PCDHGB4: variants seen among roughly 807,000 people sequenced by gnomAD.
PCDHGB4 encodes the protein protocadherin gamma subfamily B, 4.
A neutral mutation model predicts 60.5 loss-of-function variants in PCDHGB4; 38 were observed. That is an observed-to-expected ratio of 0.63 (90% CI 0.48 to 0.82). The LOEUF is 0.82. Among genes scored for constraint, PCDHGB4 ranks in the 40% least tolerant of loss-of-function variants. PCDHGB4 has a pLI of 0.00. For synonymous variants in PCDHGB4, 456 were observed against 509.7 expected, an observed-to-expected ratio of 0.89 and a Z score of 1.42; for missense variants, 1,109 against 1,209.6, an observed-to-expected ratio of 0.92 and a Z score of 1.23.
At chr5:141,439,571 G>T (rs1010967112) in intron 1 of PCDHGB4, among the ~76,000 whole-genome samples, 4 of 152,154 alleles carry the variant, frequency 2.6e-5, no homozygotes, top group Non-Finnish European at 4.4e-5. Flanking sequence ...CTAGAGTAGG[G>T]ACTCAGAGTG....
At chr5:141,430,743 T>C in intron 1 of PCDHGB4, 1 of 1,498,372 alleles carries the variant, frequency 6.7e-7, no homozygotes, top group Non-Finnish European at 8.9e-7. Flanking sequence ...TGAAAATAAT[T>C]CTGGAGGAAG....
At chr5:141,416,200 T>G (rs1318033556) in intron 1 of PCDHGB4, 2 of 152,444 alleles carry the variant, frequency 1.3e-5, no homozygotes, top group African/African-American at 4.8e-5. Context: ...ATTAACAATT[T>G]ATTTATAACA....
At chr5:141,419,457 A>AGGCCCGCGACCAGGGCT in intron 1 of PCDHGB4, 2 of 1,612,728 alleles carry the variant, frequency 1.2e-6, no homozygotes, top group Non-Finnish European at 1.7e-6. Context: ...CTCACGCTGC[A>AGGCCCGCGACCAGGGCT]GGCCCGCGAC....
At chr5:141,418,196 C>G in intron 1 of PCDHGB4, 1 of 1,614,032 alleles carries the variant, frequency 6.2e-7, no homozygotes, top group Non-Finnish European at 8.5e-7. Context: ...GGTGGAAAAT[C>G]CTTTAAATAT....
rs200064261 is a variant in PCDHGB4, at chr5:141,487,515, G to A, written c.2398-7292G>A. 3.7e-5 allele frequency: 59 copies of A among 1,614,018 alleles called. No homozygotes were observed. The highest frequency in any genetic ancestry group is 8.8e-5 in the South Asian group (8 of 91,086). On this transcript the variant is annotated intron_variant, in intron 1 of 3. Coordinates refer to ENST00000519479, the MANE Select transcript of PCDHGB4 (RefSeq NM_003736.4). The surrounding 1 kb of genome is among the most constrained non-coding windows in gnomAD (Gnocchi z 5.0). Reference sequence around the variant, plus strand: ...ACACCCTTGGCTTCTGCACCCACTCGGAGTGATAGCTTCATGATGGTGAAG... The same window carrying A: ...ACACCCTTGGCTTCTGCACCCACTCAGAGTGATAGCTTCATGATGGTGAAG...
intron 1 of PCDHGB4, among the ~76,000 whole-genome samples, chr5:141,494,034 A>T (rs1206242414): frequency 1.3e-5 from 2 of 152,162 alleles, no homozygotes; most frequent in Non-Finnish European, 2.9e-5. Flanking sequence ...CTGGAGACTT[A>T]GTTGGCCCTG....
At chr5:141,429,164 G>A (rs2097189096) in intron 1 of PCDHGB4, 1 of 131,392 alleles carries the variant, frequency 7.6e-6, no homozygotes, top group African/African-American at 3.1e-5. Flanking sequence ...CGGAGACATT[G>A]TTTATACACA....
At chr5:141,402,392 C>A (rs1271100750) in intron 1 of PCDHGB4, among the ~76,000 whole-genome samples, 1 of 151,714 alleles carries the variant, frequency 6.6e-6, no homozygotes, top group African/African-American at 2.4e-5. Flanking sequence ...AAAATTACTT[C>A]AGAAAATTGT....
chr5:141,423,185 C>T (rs996177363), intron 1 of PCDHGB4: 7 of 1,613,492 alleles, frequency 4.3e-6, no homozygotes, highest in Non-Finnish European at 5.9e-6. Context: ...CACGGCCAGC[C>T]CCCTCTCTCG....
At chr5:141,400,411 T>G in intron 1 of PCDHGB4, 1 of 1,614,062 alleles carries the variant, frequency 6.2e-7, no homozygotes, top group Non-Finnish European at 8.5e-7. Flanking sequence ...GGAGTTTAAT[T>G]TCCTAAAATG....
Position 141,492,511 on chromosome 5 carries a change from C to T in PCDHGB4, c.2398-2296C>T, listed in dbSNP as rs58889912. Among the ~76,000 whole-genome samples the T allele has an allele frequency of 1.7e-3, 262 of 152,326 alleles. 2 individuals are homozygous for T. The highest frequency in any genetic ancestry group is 6.0e-3 in the African/African-American group (249 of 41,582). On this transcript the variant is annotated intron_variant, in intron 1 of 3. Coordinates refer to ENST00000519479, the MANE Select transcript of PCDHGB4 (RefSeq NM_003736.4). Reference sequence around the variant, plus strand: ...CCAGGCGAGGACTCCGGAGCCTCCTCTCACCTCTCCCACCTGCGCCCCGGG... The same window carrying T: ...CCAGGCGAGGACTCCGGAGCCTCCTTTCACCTCTCCCACCTGCGCCCCGGG...
intron 1 of PCDHGB4, among the ~76,000 whole-genome samples, chr5:141,435,710 C>T (rs1033703743): frequency 1.3e-5 from 2 of 152,148 alleles, no homozygotes; most frequent in Admixed American, 6.5e-5. Flanking sequence ...TGGTTACAGA[C>T]ACTGAATGCT....
chr5:141,431,560 C>T lies in PCDHGB4; in HGVS notation c.2397+41279C>T, dbSNP rs751276470. On this transcript the variant is annotated intron_variant, in intron 1 of 3. Coordinates refer to ENST00000519479, the MANE Select transcript of PCDHGB4 (RefSeq NM_003736.4). This position sits in a 1 kb window ranked among gnomAD's most constrained non-coding sequence, Gnocchi z 4.8. ...CGCAGCTGCTTGTAGTCAACGCTAC[C>T]GACCCTGACGAAGGAGTCAATGCGG... The T allele has an allele frequency of 6.2e-7, 1 of 1,614,104 alleles. No individual in the cohort carries two copies. The highest frequency in any genetic ancestry group is 1.7e-5 in the Admixed American group (1 of 60,036).
chr5:141,500,186 T>A (rs1008615587), intron 2 of PCDHGB4, among the ~76,000 whole-genome samples: 7 of 99,362 alleles, frequency 7.0e-5, no homozygotes, highest in African/African-American at 3.5e-4. Flanking sequence ...ATTTTTATTT[T>A]TATTTATTTA....
chr5:141,418,606 T>A (rs1279991875), intron 1 of PCDHGB4: 1 of 1,614,030 alleles, frequency 6.2e-7, no homozygotes. Context: ...TGTACAGGGT[T>A]AGCCTTCGGG....
At chr5:141,464,228 G>A (rs1196103285) in intron 1 of PCDHGB4, among the ~76,000 whole-genome samples, 1 of 148,156 alleles carries the variant, frequency 6.7e-6, no homozygotes, top group African/African-American at 2.5e-5. Context: ...TTGCGCCACT[G>A]CACTCCAGCC....
Position 141,491,273 on chromosome 5 carries a change from G to A in PCDHGB4, c.2398-3534G>A. ...GACCCTGAGGAAATGCCCAAATCCA[G>A]TGACTTCCTCATACACCCTCCTGAG... On this transcript the variant is annotated intron_variant, in intron 1 of 3. Coordinates refer to ENST00000519479, the MANE Select transcript of PCDHGB4 (RefSeq NM_003736.4). This position sits in a 1 kb window ranked among gnomAD's most constrained non-coding sequence, Gnocchi z 6.9. The A allele has an allele frequency of 6.2e-7, 1 of 1,614,182 alleles. No individual in the cohort carries two copies. Among genetic ancestry groups the A allele is most frequent in the South Asian group, 1.1e-5 (1 of 91,082 alleles).
intron 1 of PCDHGB4, chr5:141,409,728 C>T: frequency 6.2e-7 from 1 of 1,613,134 alleles, no homozygotes; most frequent in Non-Finnish European, 8.5e-7. Flanking sequence ...TCAGTGAGCG[C>T]GCAGAGCGGG....
intron 1 of PCDHGB4, chr5:141,441,917 A>G (rs979307331): frequency 3.1e-5 from 11 of 352,364 alleles, no homozygotes; most frequent in African/African-American, 2.0e-4. Context: ...GATGTGAGAC[A>G]CAATGCGTGG....
Sources: gnomAD v4.1 joint callset for allele counts (sites outside exome capture counted in the v4.1 genomes callset) on GRCh38, gnomAD v4.1.1 for gene constraint, Gnocchi (gnomAD v3.1) non-coding constraint, MANE v1.5 for transcripts, NCBI Gene and HGNC (gene_info 2026-07-23, HGNC 2026-07-21) for gene names.